VOPP1: variants seen among roughly 807,000 people sequenced by gnomAD.
The protein encoded by VOPP1 is WW domain binding protein VOPP1.
VOPP1 carries 8 observed loss-of-function variants against 23.5 expected under a neutral mutation model. The observed-to-expected ratio is 0.34, with a 90% CI of 0.20 to 0.61. The LOEUF (loss-of-function observed/expected upper bound fraction) is 0.61, where lower values mean the gene tolerates loss of function less well. Among genes scored for constraint, VOPP1 ranks in the 20% least tolerant of loss-of-function variants. The pLI is 0.78. For synonymous variants in VOPP1, 83 were observed against 97.3 expected, an observed-to-expected ratio of 0.85 and a Z score of 0.86; for missense variants, 174 against 238.1, an observed-to-expected ratio of 0.73 and a Z score of 1.77.
At chr7:55,462,356 T>C (rs1169823518) in intron 4 of VOPP1, among the ~76,000 whole-genome samples, 1 of 152,206 alleles carries the variant, frequency 6.6e-6, no homozygotes, top group Non-Finnish European at 1.5e-5. Context: ...TTCAATCTAT[T>C]TGGGTATCTT....
chr7:55,513,823 G>A (rs1234960898), intron 2 of VOPP1, among the ~76,000 whole-genome samples: 2 of 152,184 alleles, frequency 1.3e-5, no homozygotes, highest in African/African-American at 4.8e-5. Flanking sequence ...AATCATTGGT[G>A]TCAAGAATAC....
At chr7:55,572,142 G>A (rs1261554838) in intron 1 of VOPP1, 129 bp downstream of exon 1, 1 of 658,624 alleles carries the variant, frequency 1.5e-6, no homozygotes. Context: ...GCGCAGGGCT[G>A]TGGCTCCCCG....
intron 4 of VOPP1, among the ~76,000 whole-genome samples, chr7:55,458,477 T>C (rs962097731): frequency 6.6e-6 from 1 of 152,180 alleles, no homozygotes; most frequent in Non-Finnish European, 1.5e-5. Context: ...AGTATTTTGA[T>C]AGAGATTGCT....
intron 4 of VOPP1, among the ~76,000 whole-genome samples, chr7:55,463,117 TGA>T (rs1583817397): frequency 6.6e-6 from 1 of 152,222 alleles, no homozygotes; most frequent in East Asian, 1.9e-4. Flanking sequence ...TAAAATTTGT[TGA>T]GATTTATTTT....
intron 1 of VOPP1, among the ~76,000 whole-genome samples, chr7:55,555,176 G>A (rs1037317342): frequency 2.6e-5 from 4 of 152,226 alleles, no homozygotes; most frequent in Admixed American, 6.5e-5. Context: ...TGGAGAAGTA[G>A]TGGAGGGAAA....
intron 2 of VOPP1, among the ~76,000 whole-genome samples, chr7:55,514,501 C>A (rs557638169): frequency 6.6e-6 from 1 of 152,224 alleles, no homozygotes; most frequent in Non-Finnish European, 1.5e-5. Context: ...CGTCTCCAAC[C>A]CTCCTTAGGC....
chr7:55,533,780 A>G (rs577931009), intron 1 of VOPP1, among the ~76,000 whole-genome samples: 22 of 152,320 alleles, frequency 1.4e-4, no homozygotes, highest in Non-Finnish European at 2.5e-4. Context: ...AGTCATCAAC[A>G]TAGTGATGGG....
At chr7:55,480,836 T>C (rs1199740925) in intron 4 of VOPP1, among the ~76,000 whole-genome samples, 1 of 152,264 alleles carries the variant, frequency 6.6e-6, no homozygotes, top group East Asian at 1.9e-4. Context: ...GTGCCAGCAC[T>C]GTTCTGGGCA....
At chr7:55,497,347 G>A (rs765458649) in intron 3 of VOPP1, among the ~76,000 whole-genome samples, 2 of 152,200 alleles carry the variant, frequency 1.3e-5, no homozygotes, top group African/African-American at 2.4e-5. Flanking sequence ...GCTGAAGGAT[G>A]AGGCTGTTGT....
chr7:55,464,147 TAGGGGGC>T, intron 4 of VOPP1, among the ~76,000 whole-genome samples: 1 of 151,758 alleles, frequency 6.6e-6, no homozygotes, highest in South Asian at 2.1e-4. Flanking sequence ...AGTGGCAGAG[TAGGGGGC>T]AGGCCTGTCA....
At chr7:55,508,002 C>T (rs549733444) in intron 2 of VOPP1, among the ~76,000 whole-genome samples, 1 of 152,278 alleles carries the variant, frequency 6.6e-6, no homozygotes, top group East Asian at 1.9e-4. Flanking sequence ...TAAACCCAAA[C>T]TAGTTGCATT....
rs183531158 is a variant in VOPP1, at chr7:55,477,365, G to A, written c.329-4320C>T. Among the ~76,000 whole-genome samples, 209 of 152,348 alleles carry A rather than the reference G, an allele frequency of 1.4e-3. 2 individuals are homozygous for A. The highest frequency in any genetic ancestry group is 3.8e-4 in the Non-Finnish European group (26 of 68,034). On this transcript the variant is annotated intron_variant, in intron 4 of 4. Coordinates refer to ENST00000285279, the MANE Select transcript of VOPP1 (RefSeq NM_030796.5). ...CGGGAGGAGTGACTGAAGGGGGGAC[G>A]AGTGGCGACTTGGATCTGGACTTTG...
At chr7:55,548,857 C>T (rs937563896) in intron 1 of VOPP1, among the ~76,000 whole-genome samples, 5 of 152,228 alleles carry the variant, frequency 3.3e-5, no homozygotes, top group African/African-American at 9.6e-5. Flanking sequence ...GGTTCTATAA[C>T]AGGCATTGCA....
At chr7:55,477,665 T>A (rs1161900651) in intron 4 of VOPP1, among the ~76,000 whole-genome samples, 1 of 152,208 alleles carries the variant, frequency 6.6e-6, no homozygotes, top group East Asian at 1.9e-4. Flanking sequence ...ATCTTCGTGT[T>A]CATAGACACA....
chr7:55,493,243 T>C (rs1266053740), intron 3 of VOPP1: 1 of 148,452 alleles, frequency 6.7e-6, no homozygotes, highest in East Asian at 2.0e-4. Flanking sequence ...TGAGAAGAAC[T>C]AGTAGTAGAC....
At chr7:55,481,435 CTCA>C (rs752748964) in intron 4 of VOPP1, among the ~76,000 whole-genome samples, 2 of 152,186 alleles carry the variant, frequency 1.3e-5, no homozygotes, top group African/African-American at 2.4e-5. Context: ...CAGGGAGGCT[CTCA>C]TCAGAGTCTG....
In VOPP1 at chr7:55,560,431, G is replaced by C. The variant is rs538349004; in HGVS notation, c.54+11840C>G. Among the ~76,000 whole-genome samples, 3 of 152,326 alleles carry C rather than the reference G, an allele frequency of 2.0e-5. No individual in the cohort carries two copies. In the South Asian group the frequency reaches 6.2e-4, roughly 32 times the overall value. On this transcript the variant is annotated intron_variant, in intron 1 of 4. Coordinates refer to ENST00000285279, the MANE Select transcript of VOPP1 (RefSeq NM_030796.5). ...TCAAGGGTCTTTACAGTGACAGAGA[G>C]AGAGAAGCATGAGAGAAATTAGAAG...
At position 55,564,876 on chromosome 7, in the gene VOPP1, G is replaced by A. The variant is rs1009339626; in HGVS notation, c.54+7395C>T. 6.6e-5 allele frequency among the ~76,000 whole-genome samples: 10 copies of A among 152,130 alleles called. No homozygotes were observed. In the South Asian group the frequency reaches 8.3e-4, roughly 13 times the overall value. On this transcript the variant is annotated intron_variant, in intron 1 of 4. Transcript: ENST00000285279. Reference sequence around the variant, plus strand: ...CTTAGGTTTACTCAAAGACTCCCAGGCAACTCCGAAGGAGTTGAGATTCTG... The same window carrying A: ...CTTAGGTTTACTCAAAGACTCCCAGACAACTCCGAAGGAGTTGAGATTCTG...
At chr7:55,497,362 C>A (rs1794026282) in intron 3 of VOPP1, among the ~76,000 whole-genome samples, 1 of 152,212 alleles carries the variant, frequency 6.6e-6, no homozygotes, top group African/African-American at 2.4e-5. Flanking sequence ...TGTTGTCCAG[C>A]CACCTTACCA....
Sources: gnomAD v4.1 joint callset for allele counts (sites outside exome capture counted in the v4.1 genomes callset) on GRCh38, gnomAD v4.1.1 for gene constraint, MANE v1.5 for transcripts, NCBI Gene and HGNC (gene_info 2026-07-23, HGNC 2026-07-21) for gene names.